Variants in RBPMS observed in about 807,000 individuals in gnomAD.
RBPMS encodes RNA-binding protein with multiple splicing.
RBPMS carries 7 observed loss-of-function variants against 26.8 expected under a neutral mutation model. The observed-to-expected ratio is 0.26, with a 90% CI of 0.15 to 0.49. The LOEUF (loss-of-function observed/expected upper bound fraction) is 0.49, where lower values mean the gene tolerates loss of function less well. Ranked by LOEUF, RBPMS falls within the 20% of genes least tolerant of loss-of-function variation. The probability of loss-of-function intolerance (pLI) is 0.98; values close to 1 mark genes in which losing one functional copy is unlikely to be tolerated. For synonymous variants in RBPMS, 96 were observed against 93.3 expected (o/e 1.03, Z -0.17); for missense variants, 186 against 250.0 (o/e 0.74, Z 1.73).
At chr8:30,461,295 C>G (rs1263059435) in intron 1 of RBPMS, among the ~76,000 whole-genome samples, 1 of 152,136 alleles carries the variant, frequency 6.6e-6, no homozygotes, top group Non-Finnish European at 1.5e-5. Flanking sequence ...GACAATTTTT[C>G]TTCAACATTT....
chr8:30,543,122 G>A (rs1461593717), intron 5 of RBPMS, among the ~76,000 whole-genome samples: 6 of 152,164 alleles, frequency 3.9e-5, no homozygotes, highest in African/African-American at 1.4e-4. Flanking sequence ...AAACCACATT[G>A]TTGGGGTCCC....
intron 5 of RBPMS, among the ~76,000 whole-genome samples, chr8:30,528,261 G>A (rs1823818513): frequency 3.3e-5 from 5 of 152,146 alleles, no homozygotes; most frequent in Admixed American, 3.3e-4. Flanking sequence ...ATTGCTTTCG[G>A]AGAGGTACTA....
intron 1 of RBPMS, among the ~76,000 whole-genome samples, chr8:30,386,504 T>A (rs564034950): frequency 1.3e-5 from 2 of 152,254 alleles, no homozygotes; most frequent in Non-Finnish European, 2.9e-5. Flanking sequence ...TATTTTATTA[T>A]AAAAGACTAT....
At chr8:30,515,898 C>A (rs778003959) in intron 5 of RBPMS, among the ~76,000 whole-genome samples, 23 of 151,962 alleles carry the variant, frequency 1.5e-4, no homozygotes, top group Admixed American at 3.9e-4. Context: ...ATCCTCCCAC[C>A]TCAGCCTCCC....
chr8:30,569,492 G>A lies in RBPMS; in HGVS notation c.*112-1145G>A, dbSNP rs951963286. ...TGCTGAGGGGACTAGTAACAGAAGA[G>A]AGGAAGTAAGAACAGGCACGGCACG... On this transcript the variant is annotated intron_variant, in intron 8 of 8. Transcript: ENST00000397323. 2.0e-5 allele frequency among the ~76,000 whole-genome samples: 3 copies of A among 152,324 alleles called. No individual in the cohort carries two copies. In the South Asian group the frequency reaches 6.2e-4, roughly 32 times the overall value.
intron 4 of RBPMS, among the ~76,000 whole-genome samples, chr8:30,497,423 A>C (rs1383613053): frequency 6.6e-6 from 1 of 152,092 alleles, no homozygotes; most frequent in Non-Finnish European, 1.5e-5. Flanking sequence ...GCACACCTAT[A>C]ATCCCAGCTA....
chr8:30,497,052 C>T (rs1820038511), intron 4 of RBPMS, among the ~76,000 whole-genome samples: 1 of 152,184 alleles, frequency 6.6e-6, no homozygotes, highest in African/African-American at 2.4e-5. Flanking sequence ...CAGAATCTCT[C>T]TAAAGTATGT....
intron 1 of RBPMS, among the ~76,000 whole-genome samples, chr8:30,421,516 T>C (rs1810787352): frequency 6.6e-6 from 1 of 152,220 alleles, no homozygotes; most frequent in African/African-American, 2.4e-5. Flanking sequence ...TTTTCAAATA[T>C]CATATTTAGT....
intron 1 of RBPMS, chr8:30,387,015 CGTCCTTGTGAGGTT>C (rs796994751): frequency 6.6e-6 from 1 of 152,266 alleles, no homozygotes; most frequent in South Asian, 2.1e-4. Context: ...GACGCTCCTC[CGTCCTTGTGAGGTT>C]GTGTATAATA....
At chr8:30,515,872 G>A (rs1218490399) in intron 5 of RBPMS, among the ~76,000 whole-genome samples, 2 of 152,124 alleles carry the variant, frequency 1.3e-5, no homozygotes, top group African/African-American at 4.8e-5. Flanking sequence ...GCCCAGGCTG[G>A]TCTTGAGCTC....
intron 1 of RBPMS, among the ~76,000 whole-genome samples, chr8:30,454,876 T>C (rs949435799): frequency 2.6e-5 from 4 of 152,228 alleles, no homozygotes; most frequent in Admixed American, 6.5e-5. Context: ...CAGGCTGGAG[T>C]GCAGTGGCAT....
chr8:30,466,580 C>T (rs1203979107), intron 1 of RBPMS, among the ~76,000 whole-genome samples: 2 of 150,464 alleles, frequency 1.3e-5, no homozygotes, highest in African/African-American at 4.9e-5. Flanking sequence ...TTTGGTTTTT[C>T]TTTCTTTCTT....
intron 1 of RBPMS, among the ~76,000 whole-genome samples, chr8:30,392,609 A>C (rs1193402374): frequency 6.6e-6 from 1 of 152,138 alleles, no homozygotes; most frequent in Admixed American, 6.5e-5. Context: ...TCTTGCAGTG[A>C]GGTTTCTGCT....
chr8:30,420,475 T>C (rs903244364), intron 1 of RBPMS, among the ~76,000 whole-genome samples: 1 of 152,128 alleles, frequency 6.6e-6, no homozygotes, highest in Non-Finnish European at 1.5e-5. Context: ...CAAAACCCAT[T>C]TTGAAATATT....
intron 1 of RBPMS, among the ~76,000 whole-genome samples, chr8:30,466,646 G>A (rs1816534724): frequency 6.7e-6 from 1 of 149,602 alleles, no homozygotes; most frequent in African/African-American, 2.5e-5. Context: ...CCAGGCTAGA[G>A]TGCAGTGGCG....
chr8:30,528,893 AT>A lies in RBPMS; in HGVS notation c.398-15592del, dbSNP rs35909625. Among the ~76,000 whole-genome samples the A allele has an allele frequency of 8.1e-4, 122 of 150,934 alleles. 1 individual carries two copies. The highest frequency in any genetic ancestry group is 3.7e-4 in the Non-Finnish European group (25 of 67,684). ...TACAATTTAAAGCATACAACTCAGT[AT>A]TTTTTTTTGGTATGTTATTAATTTT... On this transcript the variant is annotated intron_variant, in intron 5 of 8. Transcript: ENST00000397323.
At chr8:30,544,776 C>G in intron 6 of RBPMS, 152 bp downstream of exon 6, 3 of 1,592,732 alleles carry the variant, frequency 1.9e-6, no homozygotes, top group Non-Finnish European at 2.6e-6. Context: ...AGCTGACACT[C>G]CTTCAGGACT....
At chr8:30,464,960 T>G (rs1816337044) in intron 1 of RBPMS, among the ~76,000 whole-genome samples, 1 of 152,214 alleles carries the variant, frequency 6.6e-6, no homozygotes, top group Admixed American at 6.5e-5. Context: ...TGGACTGATG[T>G]ATACATTTAA....
rs528766239 is a variant in RBPMS, at chr8:30,506,649, T to C, written c.397+2213T>C. Among the ~76,000 whole-genome samples the C allele has an allele frequency of 2.1e-3, 325 of 152,270 alleles. 2 individuals are homozygous for C. The highest frequency in any genetic ancestry group is 7.7e-3 in the African/African-American group (318 of 41,564). ...TCAAGGTGGTCAGTTTAACTACTTA[T>C]CAGGTGTAGAATATAATGGAATTGG... On this transcript the variant is annotated intron_variant, in intron 5 of 8. Coordinates refer to ENST00000397323, the MANE Select transcript of RBPMS (RefSeq NM_001008710.3).
Sources: allele counts gnomAD v4.1 joint callset (sites outside exome capture counted in the v4.1 genomes callset), GRCh38; gene constraint gnomAD v4.1.1; transcripts MANE v1.5; gene names NCBI Gene and HGNC (gene_info 2026-07-23, HGNC 2026-07-21).